COX7B2: variants seen among roughly 807,000 people sequenced by gnomAD.
The protein encoded by COX7B2 is cytochrome c oxidase subunit 7B2, also known as cytochrome c oxidase subunit 7B2, mitochondrial.
For synonymous variants in COX7B2, 37 were observed against 32.1 expected, an observed-to-expected ratio of 1.15 and a Z score of -0.51; for missense variants, 109 against 95.9, an observed-to-expected ratio of 1.14 and a Z score of -0.57.
intron 2 of COX7B2, among the ~76,000 whole-genome samples, chr4:46,738,431 CA>C (rs1714501064): frequency 1.3e-5 from 2 of 152,062 alleles, no homozygotes; most frequent in African/African-American, 4.8e-5. Flanking sequence ...CCATAGTTTG[CA>C]GTTGGCATTT....
intron 2 of COX7B2, among the ~76,000 whole-genome samples, chr4:46,818,405 G>A (rs1021198237): frequency 1.5e-4 from 23 of 152,040 alleles, no homozygotes; most frequent in Non-Finnish European, 2.5e-4. Context: ...AGGCCGAGGC[G>A]GGTGGATCAT....
At chr4:46,860,410 G>A (rs1488913705) in intron 1 of COX7B2, among the ~76,000 whole-genome samples, 2 of 152,168 alleles carry the variant, frequency 1.3e-5, no homozygotes, top group East Asian at 3.9e-4. Context: ...TCAGCAAGTT[G>A]ATGGTCTGCA....
At chr4:46,838,892 T>G (rs1715736741) in intron 2 of COX7B2, among the ~76,000 whole-genome samples, 1 of 152,040 alleles carries the variant, frequency 6.6e-6, no homozygotes, top group Admixed American at 6.6e-5. Context: ...ACTTTTTTTT[T>G]TTTAATTTCA....
chr4:46,896,972 C>G (rs990603125), intron 1 of COX7B2, among the ~76,000 whole-genome samples: 4 of 152,142 alleles, frequency 2.6e-5, no homozygotes, highest in Admixed American at 6.5e-5. Flanking sequence ...AATAAATAGT[C>G]TCTCTGGAAG....
intron 2 of COX7B2, among the ~76,000 whole-genome samples, chr4:46,793,411 C>T (rs1577711351): frequency 6.6e-6 from 1 of 152,176 alleles, no homozygotes; most frequent in Admixed American, 6.5e-5. Context: ...TAGGCTGATG[C>T]CCTTTGGATT....
chr4:46,862,638 T>G (rs1160618167), intron 1 of COX7B2, among the ~76,000 whole-genome samples: 4 of 152,210 alleles, frequency 2.6e-5, no homozygotes, highest in African/African-American at 9.6e-5. Flanking sequence ...AATTTAAGAT[T>G]GTTGGTTCAA....
chr4:46,819,906 G>A (rs1034869141), intron 2 of COX7B2, among the ~76,000 whole-genome samples: 4 of 152,184 alleles, frequency 2.6e-5, no homozygotes, highest in African/African-American at 9.6e-5. Context: ...ATATGGATTA[G>A]GATAAGCAAG....
intron 1 of COX7B2, among the ~76,000 whole-genome samples, chr4:46,855,868 A>G (rs569873514): frequency 1.3e-5 from 2 of 152,198 alleles, no homozygotes; most frequent in South Asian, 2.1e-4. Context: ...AGTAATTTTC[A>G]TAGTTTTAAA....
At chr4:46,837,167 G>T (rs1715570594) in intron 2 of COX7B2, among the ~76,000 whole-genome samples, 1 of 151,820 alleles carries the variant, frequency 6.6e-6, no homozygotes, top group Non-Finnish European at 1.5e-5. Context: ...CAATAAAAAT[G>T]TAGTAGTTTA....
intron 1 of COX7B2, among the ~76,000 whole-genome samples, chr4:46,848,389 G>C (rs1358080630): frequency 6.6e-6 from 1 of 152,016 alleles, no homozygotes; most frequent in Non-Finnish European, 1.5e-5. Flanking sequence ...GAAAGGCCCT[G>C]AATTAACTAG....
intron 2 of COX7B2, among the ~76,000 whole-genome samples, chr4:46,837,255 G>A (rs1261759462): frequency 1.4e-5 from 2 of 145,328 alleles, no homozygotes; most frequent in Non-Finnish European, 3.0e-5. Context: ...ATAAAATGTA[G>A]TATGAACACA....
intron 2 of COX7B2, among the ~76,000 whole-genome samples, chr4:46,841,611 AAC>A (rs1715934309): frequency 6.6e-6 from 1 of 151,990 alleles, no homozygotes; most frequent in African/African-American, 2.4e-5. Context: ...TAAACAAGAA[AAC>A]AGTCACTCAG....
intron 2 of COX7B2, among the ~76,000 whole-genome samples, chr4:46,816,726 G>A (rs115768020): frequency 1.3e-5 from 2 of 152,258 alleles, no homozygotes; most frequent in African/African-American, 4.8e-5. Flanking sequence ...GTCTATGAGG[G>A]ATTCACTTGA....
At chr4:46,804,364 C>G (rs1718859434) in intron 2 of COX7B2, among the ~76,000 whole-genome samples, 1 of 152,170 alleles carries the variant, frequency 6.6e-6, no homozygotes, top group Non-Finnish European at 1.5e-5. Flanking sequence ...ATTCTCTTAT[C>G]TGGCTCCACC....
intron 2 of COX7B2, among the ~76,000 whole-genome samples, chr4:46,750,174 A>G (rs1005930118): frequency 6.8e-6 from 1 of 147,586 alleles, no homozygotes; most frequent in Non-Finnish European, 1.5e-5. Context: ...CAGCCTGGAC[A>G]ACACAATGAG....
At chr4:46,804,031 C>T (rs1314155272) in intron 2 of COX7B2, among the ~76,000 whole-genome samples, 3 of 151,972 alleles carry the variant, frequency 2.0e-5, no homozygotes, top group African/African-American at 7.3e-5. Flanking sequence ...TTCTGATGTT[C>T]GGATGTGTTT....
At chr4:46,863,756 T>C (rs1318464370) in intron 1 of COX7B2, among the ~76,000 whole-genome samples, 1 of 152,206 alleles carries the variant, frequency 6.6e-6, no homozygotes, top group Non-Finnish European at 1.5e-5. Context: ...GATGCTGAAA[T>C]ATTTTATCTT....
chr4:46,865,820 G>A (rs923107973), intron 1 of COX7B2, among the ~76,000 whole-genome samples: 4 of 152,136 alleles, frequency 2.6e-5, no homozygotes, highest in African/African-American at 7.2e-5. Flanking sequence ...AGAGTTCCAC[G>A]TCCTGGCACA....
At chr4:46,738,429 T>C (rs1476973850) in intron 2 of COX7B2, among the ~76,000 whole-genome samples, 1 of 152,118 alleles carries the variant, frequency 6.6e-6, no homozygotes, top group Non-Finnish European at 1.5e-5. Context: ...TTCCATAGTT[T>C]GCAGTTGGCA....
Sources: allele counts gnomAD v4.1 joint callset (sites outside exome capture counted in the v4.1 genomes callset), GRCh38; gene constraint gnomAD v4.1.1; transcripts MANE v1.5; gene names NCBI Gene and HGNC (gene_info 2026-07-23, HGNC 2026-07-21).